PID1: variants seen among roughly 807,000 people sequenced by gnomAD.
PID1 encodes the protein phosphotyrosine interaction domain containing 1.
In PID1, 10 loss-of-function variants were observed where a neutral mutation model predicts 19.1. The ratio of observed to expected loss-of-function variants is 0.52; its 90% confidence interval spans 0.32 to 0.89. The LOEUF (loss-of-function observed/expected upper bound fraction) is 0.89. Ranked by LOEUF, PID1 falls within the 40% of genes least tolerant of loss-of-function variation. The probability of loss-of-function intolerance (pLI) is 0.03; values close to 1 mark genes in which losing one functional copy is unlikely to be tolerated. For synonymous variants in PID1, 130 were observed against 116.0 expected (o/e 1.12, Z -0.78); for missense variants, 248 against 285.3 (o/e 0.87, Z 0.94).
At chr2:229,177,554 G>A (rs1362259) in intron 1 of PID1, among the ~76,000 whole-genome samples, 152,310 of 152,316 alleles carry the variant, frequency 1, 76,152 homozygotes, top group Non-Finnish European at 1. Context: ...CAACATGTCT[G>A]CCTTTCATCA....
intron 1 of PID1, among the ~76,000 whole-genome samples, chr2:229,221,331 T>C (rs1338147077): frequency 2.0e-5 from 3 of 152,190 alleles, no homozygotes; most frequent in Non-Finnish European, 4.4e-5. Context: ...TCTCACTCCA[T>C]GTTCCCTGGT....
At chr2:229,127,164 ATGT>A (rs752088296) in intron 2 of PID1, among the ~76,000 whole-genome samples, 14 of 152,234 alleles carry the variant, frequency 9.2e-5, no homozygotes, top group Non-Finnish European at 1.9e-4. Context: ...AAAGTAGGAA[ATGT>A]TGTTAAGCTG....
intron 1 of PID1, among the ~76,000 whole-genome samples, chr2:229,162,664 G>C (rs1353957715): frequency 6.6e-6 from 1 of 152,184 alleles, no homozygotes; most frequent in East Asian, 1.9e-4. Context: ...ATTTGTACAA[G>C]TGCACAGAAA....
intron 2 of PID1, among the ~76,000 whole-genome samples, chr2:229,026,328 G>A (rs1693422245): frequency 6.6e-6 from 1 of 152,108 alleles, no homozygotes. Flanking sequence ...GAATAGAGTT[G>A]GATTTTAAAA....
intron 2 of PID1, among the ~76,000 whole-genome samples, chr2:229,143,622 G>A (rs185199095): frequency 2.6e-4 from 39 of 152,234 alleles, no homozygotes; most frequent in African/African-American, 8.9e-4. Flanking sequence ...GGGATGATAC[G>A]GTTTGGCTGT....
intron 1 of PID1, among the ~76,000 whole-genome samples, chr2:229,265,623 A>C (rs1407383048): frequency 6.6e-6 from 1 of 152,208 alleles, no homozygotes; most frequent in African/African-American, 2.4e-5. Flanking sequence ...TTGTGTCCAC[A>C]GGGCTGAAAG....
chr2:229,103,571 A>ATTTTTTTTTTTTTTTTTTTTTTTTT (rs60510809), intron 2 of PID1, among the ~76,000 whole-genome samples: 1 of 76,236 alleles, frequency 1.3e-5, no homozygotes. Context: ...ATATGCTGGA[A>ATTTTTTTTTTTTTTTTTTTTTTTTT]TTTTTTTTTT....
Position 229,037,084 on chromosome 2 carries a change from T to C in PID1, c.178-10976A>G, listed in dbSNP as rs201632033. Among the ~76,000 whole-genome samples the C allele has an allele frequency of 2.0e-5, 3 of 152,208 alleles. No individual in the cohort carries two copies. The East Asian group carries it at 5.8e-4, about 29-fold the overall frequency. ...TAAAGTACACAATCTCTAGGGCACA[T>C]ATATGCACATGCCTTGGTTGGGAGA... On this transcript the variant is annotated intron_variant, in intron 2 of 2. Coordinates refer to ENST00000392055, the MANE Select transcript of PID1 (RefSeq NM_001100818.2).
intron 1 of PID1, among the ~76,000 whole-genome samples, chr2:229,187,762 C>T (rs1161479611): frequency 2.0e-5 from 3 of 152,122 alleles, no homozygotes; most frequent in Admixed American, 6.5e-5. Flanking sequence ...AATCCTCTTT[C>T]GAATCCACAC....
At chr2:229,232,165 T>C (rs1226982108) in intron 1 of PID1, 24 of 1,423,926 alleles carry the variant, frequency 1.7e-5, no homozygotes, top group Non-Finnish European at 2.2e-5. Flanking sequence ...GGCTCACGCC[T>C]GTAATCCCAG....
chr2:229,212,144 G>A (rs1691750802), intron 1 of PID1, among the ~76,000 whole-genome samples: 1 of 152,126 alleles, frequency 6.6e-6, no homozygotes. Context: ...CATTTTTGGA[G>A]GGAGGGGATA....
chr2:229,195,057 T>C (rs192284043), intron 1 of PID1, among the ~76,000 whole-genome samples: 10 of 152,082 alleles, frequency 6.6e-5, no homozygotes, highest in Admixed American at 1.3e-4. Context: ...GAAATAATTC[T>C]TGTCCATGAG....
At chr2:229,099,613 G>C (rs529821087) in intron 2 of PID1, among the ~76,000 whole-genome samples, 2 of 152,238 alleles carry the variant, frequency 1.3e-5, no homozygotes, top group South Asian at 4.1e-4. Context: ...CTCCAACAGT[G>C]AATTGAAATT....
chr2:229,064,152 G>A (rs952305050), intron 2 of PID1, among the ~76,000 whole-genome samples: 2 of 152,236 alleles, frequency 1.3e-5, no homozygotes, highest in East Asian at 1.9e-4. Context: ...TTATTTTCAG[G>A]AAGATCCTTC....
At chr2:229,099,311 T>C (rs1330455515) in intron 2 of PID1, among the ~76,000 whole-genome samples, 1 of 152,202 alleles carries the variant, frequency 6.6e-6, no homozygotes, top group Non-Finnish European at 1.5e-5. Context: ...TTTTATGCTC[T>C]ACTTTCCCAC....
chr2:229,207,185 A>C (rs1012832974), intron 1 of PID1, among the ~76,000 whole-genome samples: 7 of 152,186 alleles, frequency 4.6e-5, no homozygotes, highest in Non-Finnish European at 1.5e-5. Context: ...CTTCATTTAG[A>C]GTAAGAACGA....
chr2:229,213,075 G>A (rs1413557675), intron 1 of PID1, among the ~76,000 whole-genome samples: 6 of 152,132 alleles, frequency 3.9e-5, no homozygotes, highest in African/African-American at 4.8e-5. Flanking sequence ...CAGAGGTAGC[G>A]AGAAAAATGG....
chr2:229,070,012 T>C (rs1694420329), intron 2 of PID1, among the ~76,000 whole-genome samples: 1 of 152,232 alleles, frequency 6.6e-6, no homozygotes, highest in Non-Finnish European at 1.5e-5. Flanking sequence ...AAGCATTTAT[T>C]GGTCGCCTGC....
chr2:229,149,229 A>G (rs1690198119), intron 2 of PID1, among the ~76,000 whole-genome samples: 1 of 152,144 alleles, frequency 6.6e-6, no homozygotes, highest in Admixed American at 6.5e-5. Flanking sequence ...TGGTCACATA[A>G]TAAAACTAAT....
Sources: allele counts gnomAD v4.1 joint callset (sites outside exome capture counted in the v4.1 genomes callset), GRCh38; gene constraint gnomAD v4.1.1; transcripts MANE v1.5; gene names NCBI Gene and HGNC (gene_info 2026-07-23, HGNC 2026-07-21).